Variants in COL12A1 observed in about 807,000 individuals in gnomAD.
COL12A1 encodes collagen type XII alpha 1 chain.
In COL12A1, 114 loss-of-function variants were observed where a neutral mutation model predicts 349.7. The observed-to-expected ratio is 0.33, with a 90% CI of 0.28 to 0.38. The LOEUF is 0.38. COL12A1 is among the 10% of genes least tolerant of loss of function. The pLI is 1.00. For synonymous variants in COL12A1, 1,369 were observed against 1,329.0 expected (o/e 1.03, Z -0.66); for missense variants, 3,284 against 3,756.9 (o/e 0.87, Z 3.29).
intron 54 of COL12A1, among the ~76,000 whole-genome samples, chr6:75,104,378 A>G (rs1335569735): frequency 6.6e-6 from 1 of 152,188 alleles, no homozygotes; most frequent in Non-Finnish European, 1.5e-5. Context: ...AAAGAATGGT[A>G]ACCCCAGTGA....
chr6:75,168,266 G>A (rs535754120), intron 13 of COL12A1, among the ~76,000 whole-genome samples: 2 of 152,276 alleles, frequency 1.3e-5, no homozygotes, highest in African/African-American at 4.8e-5. Context: ...TGAATATTCT[G>A]TTACATTACA....
rs1453758192 is a variant in COL12A1, at chr6:75,188,498, A to G, written c.861T>C (p.Ile287=). 6.2e-7 allele frequency: 1 copy of G among 1,613,366 alleles called. No individual in the cohort carries two copies. The highest frequency in any genetic ancestry group is 1.7e-5 in the Admixed American group (1 of 59,948). The change falls in exon 8 of 66, where the codon ATT becomes ATC. Residue 287 remains isoleucine, a synonymous_variant. Transcript: ENST00000322507. ...KAADAKELKQ[I]ASTPSLNHVF... is the part of the protein sequence containing the mutation. ...CATGGTTCAGTGAAGGTGTGGAGGC[A>G]ATTTGTTTGAGTTCTTTTGCATCTG...
chr6:75,171,815 A>T (rs1009183946), intron 13 of COL12A1, among the ~76,000 whole-genome samples: 1 of 152,200 alleles, frequency 6.6e-6, no homozygotes, highest in African/African-American at 2.4e-5. Context: ...AAAATCTTCT[A>T]TTATTTTCAT....
chr6:75,188,084 AAAAG>A (rs1382588735), intron 8 of COL12A1, among the ~76,000 whole-genome samples: 13 of 152,270 alleles, frequency 8.5e-5, no homozygotes, highest in African/African-American at 2.4e-4. Context: ...CAATGTACAC[AAAAG>A]AGTCTTAAAG....
chr6:75,154,379 A>C (rs1767647297), intron 17 of COL12A1, 37 bp downstream of exon 17: 1 of 1,600,542 alleles, frequency 6.2e-7, no homozygotes, highest in Admixed American at 1.7e-5. Flanking sequence ...TAGTTTCCTA[A>C]GTTGTTTTCC....
At position 75,183,586 on chromosome 6, in the gene COL12A1, C is replaced by T; in HGVS notation, c.1355G>A (p.Gly452Glu). 1 of 1,614,050 alleles carries T rather than the reference C, an allele frequency of 6.2e-7. No individual in the cohort carries two copies. Residue 452 changes from glycine to glutamate, a missense_variant, in exon 10 of 66, where the codon GGG becomes GAG. By Grantham distance (98) the Gly-to-Glu change is moderately conservative (BLOSUM62 -2). This residue lies in a region of COL12A1 where 2,601 missense variants were observed against 2,824.8 expected (regional missense o/e 0.92). Transcript: ENST00000322507. Reference protein sequence around the residue: ...VFLVDGSYSIGIANFVKVRAF... With the variant: ...VFLVDGSYSIEIANFVKVRAF... ...TCTAACTTTAACAAAGTTTGCAATC[C>T]CAATGCTATAGGAGCCATCAACCAA...
chr6:75,149,485 G>T (rs143206267), intron 21 of COL12A1, among the ~76,000 whole-genome samples: 1 of 151,936 alleles, frequency 6.6e-6, no homozygotes, highest in African/African-American at 2.4e-5. Flanking sequence ...ACAACCTACC[G>T]CCTGTGATTG....
At chr6:75,204,763 C>G (rs1003641463) in intron 1 of COL12A1, among the ~76,000 whole-genome samples, 1 of 152,102 alleles carries the variant, frequency 6.6e-6, no homozygotes, top group African/African-American at 2.4e-5. Flanking sequence ...TTAACTCCCG[C>G]GTCCAGTTAA....
chr6:75,145,746 C>T (rs1767149877), intron 24 of COL12A1, among the ~76,000 whole-genome samples: 1 of 151,784 alleles, frequency 6.6e-6, no homozygotes, highest in Non-Finnish European at 1.5e-5. Flanking sequence ...ATTCTCCTGT[C>T]TCAGCCTCCT....
intron 64 of COL12A1, 42 bp downstream of exon 64, chr6:75,089,064 G>T: frequency 7.2e-7 from 1 of 1,390,662 alleles, no homozygotes; most frequent in Non-Finnish European, 1.0e-6. Flanking sequence ...TGCCCTCTCG[G>T]TATTTATAGT....
intron 58 of COL12A1, among the ~76,000 whole-genome samples, chr6:75,098,237 T>C (rs1210955237): frequency 2.0e-5 from 3 of 152,352 alleles, no homozygotes; most frequent in East Asian, 1.9e-4. Flanking sequence ...GAAGTCTATA[T>C]GGAAAATCCT....
At chr6:75,129,203 G>A (rs985441369) in intron 37 of COL12A1, among the ~76,000 whole-genome samples, 9 of 152,196 alleles carry the variant, frequency 5.9e-5, no homozygotes, top group African/African-American at 2.2e-4. Flanking sequence ...TAGTAGTACT[G>A]TTTATCTCAT....
Position 75,086,449 on chromosome 6 carries a change from TAC to T in COL12A1, c.*96_*97del. On this transcript the variant is annotated 3_prime_UTR_variant, in exon 66 of 66. Transcript: ENST00000322507. ...ACCATTATCTGTGGTGAGATTTCCA[TAC>T]AGACTCATTTCCTAATAAGCACGTG... 3 of 1,141,678 alleles carry T rather than the reference TAC, an allele frequency of 2.6e-6. No homozygotes were observed. Among genetic ancestry groups the T allele is most frequent in the South Asian group, 1.5e-5 (1 of 67,234 alleles). 70.7% of individuals were successfully genotyped at this position (1,141,678 alleles called of 1,614,324 possible). A position where few individuals can be genotyped will look rare whatever the true frequency, so the allele number is the denominator to read the frequency against.
At chr6:75,105,417 T>C in intron 53 of COL12A1, 125 bp from the exon 54 acceptor site, 1 of 679,158 alleles carries the variant, frequency 1.5e-6, no homozygotes. Context: ...TTAATTATCA[T>C]TATGAATAGT....
At position 75,084,748 on chromosome 6, in the gene COL12A1, C is replaced by G. The variant is rs1187450105; in HGVS notation, c.*1799G>C. On this transcript the variant is annotated 3_prime_UTR_variant, in exon 66 of 66. Coordinates refer to ENST00000322507, the MANE Select transcript of COL12A1 (RefSeq NM_004370.6). ...AGATAAGTAATTGCAATGGAGTTGA[C>G]GTTTCCCTCCTTTTTGGTTTTAGGA... 6.4e-6 allele frequency: 1 copy of G among 156,650 alleles called. No individual in the cohort carries two copies. Among genetic ancestry groups the G allele is most frequent in the Non-Finnish European group, 1.4e-5 (1 of 70,268 alleles). The allele number at this position is 156,650 out of a possible 1,614,324, so 9.7% of individuals were successfully genotyped here.
rs1209975160 is a variant in COL12A1, at chr6:75,084,571, T to A, written c.*1976A>T. ...AGAATAATCTGCAATTTGGTATAAA[T>A]GTTAGTGTGTCTAAAACAAGGAGGT... On this transcript the variant is annotated 3_prime_UTR_variant, in exon 66 of 66. Coordinates refer to ENST00000322507, the MANE Select transcript of COL12A1 (RefSeq NM_004370.6). The A allele has an allele frequency of 1.3e-5, 2 of 152,724 alleles. No individual in the cohort carries two copies. Among genetic ancestry groups the A allele is most frequent in the Non-Finnish European group, 2.9e-5 (2 of 68,058 alleles). 9.5% of individuals were successfully genotyped at this position (152,724 alleles called of 1,614,324 possible).
chr6:75,102,184 G>A, intron 56 of COL12A1, 132 bp from the exon 57 acceptor site: 1 of 822,692 alleles, frequency 1.2e-6, no homozygotes, highest in Non-Finnish European at 2.0e-6. Flanking sequence ...AGCACAGAAG[G>A]GTATTTTTGA....
chr6:75,189,885 C>T, intron 5 of COL12A1, 70 bp from the exon 6 acceptor site: 1 of 1,515,114 alleles, frequency 6.6e-7, no homozygotes, highest in Non-Finnish European at 8.9e-7. Flanking sequence ...GTTAACATTG[C>T]AAAAATGTTG....
chr6:75,121,490 A>C (rs1397238503), intron 43 of COL12A1, 49 bp from the exon 44 acceptor site: 1 of 1,467,446 alleles, frequency 6.8e-7, no homozygotes, highest in East Asian at 2.4e-5. Context: ...GAATTCTTTC[A>C]TTTAAATGAA....
Sources: allele counts gnomAD v4.1 joint callset (sites outside exome capture counted in the v4.1 genomes callset), GRCh38; gene constraint gnomAD v4.1.1; regional missense constraint gnomAD v4.1.1; transcripts MANE v1.5; gene names NCBI Gene and HGNC (gene_info 2026-07-23, HGNC 2026-07-21).